ROBO2: variants seen among roughly 807,000 people sequenced by gnomAD.
ROBO2 encodes roundabout homolog 2.
Under a neutral mutation model 160.8 loss-of-function variants are expected in ROBO2, and 53 were observed. That is an observed-to-expected ratio of 0.33 (90% CI 0.26 to 0.41). ROBO2 has a LOEUF of 0.41. Among genes scored for constraint, ROBO2 ranks in the 10% least tolerant of loss-of-function variants. The pLI is 1.00. For synonymous variants in ROBO2, 664 were observed against 611.7 expected (o/e 1.09, Z -1.26); for missense variants, 1,577 against 1,722.4 (o/e 0.92, Z 1.49).
intron 2 of ROBO2, among the ~76,000 whole-genome samples, chr3:76,385,630 G>A (rs1243669294): frequency 1.3e-5 from 2 of 152,128 alleles, no homozygotes; most frequent in Non-Finnish European, 2.9e-5. Flanking sequence ...ATTAAACTCA[G>A]GCATTTTTCA....
At chr3:76,248,173 T>C (rs1263539369) in intron 2 of ROBO2, among the ~76,000 whole-genome samples, 1 of 151,942 alleles carries the variant, frequency 6.6e-6, no homozygotes, top group Non-Finnish European at 1.5e-5. Context: ...ATCATGCTGC[T>C]ATAAAGACAC....
intron 2 of ROBO2, among the ~76,000 whole-genome samples, chr3:75,978,078 G>A (rs1034824134): frequency 2.0e-5 from 3 of 151,488 alleles, no homozygotes; most frequent in Non-Finnish European, 4.4e-5. Context: ...TTGTAAAGCT[G>A]TATCTGAAAA....
chr3:77,091,409 A>G (rs2070233617), intron 1 of ROBO2, among the ~76,000 whole-genome samples: 1 of 152,180 alleles, frequency 6.6e-6, no homozygotes, highest in Admixed American at 6.5e-5. Context: ...CTAATATACC[A>G]CTCAACGTTG....
chr3:76,476,465 T>C (rs937183296), intron 2 of ROBO2, among the ~76,000 whole-genome samples: 1 of 152,162 alleles, frequency 6.6e-6, no homozygotes, highest in Non-Finnish European at 1.5e-5. Context: ...CACCTGTCTG[T>C]TGAAACAGTT....
intron 2 of ROBO2, among the ~76,000 whole-genome samples, chr3:76,684,765 A>G (rs1364302451): frequency 6.6e-6 from 1 of 152,142 alleles, no homozygotes; most frequent in Non-Finnish European, 1.5e-5. Flanking sequence ...GATGGCATCT[A>G]TTTAAAATAT....
At chr3:77,290,239 A>C (rs575046822) in intron 2 of ROBO2, among the ~76,000 whole-genome samples, 1 of 147,158 alleles carries the variant, frequency 6.8e-6, no homozygotes, top group Admixed American at 6.8e-5. Flanking sequence ...CATAAAGTAA[A>C]ATTGATGGTT....
intron 2 of ROBO2, among the ~76,000 whole-genome samples, chr3:77,362,433 G>A (rs2070163860): frequency 6.6e-6 from 1 of 152,106 alleles, no homozygotes; most frequent in Non-Finnish European, 1.5e-5. Context: ...AGAGTGATTA[G>A]GTATCATCTG....
intron 1 of ROBO2, among the ~76,000 whole-genome samples, chr3:77,053,711 A>C (rs1246376635): frequency 1.3e-5 from 2 of 152,180 alleles, no homozygotes; most frequent in Non-Finnish European, 2.9e-5. Flanking sequence ...ATATACAAAA[A>C]TTTAGGCAGC....
chr3:77,376,813 T>G (rs2072747318), intron 2 of ROBO2, among the ~76,000 whole-genome samples: 1 of 152,230 alleles, frequency 6.6e-6, no homozygotes, highest in South Asian at 2.1e-4. Flanking sequence ...ATGTGTGACT[T>G]TGGATATCAT....
At chr3:77,492,004 CT>C (rs1424843674) in intron 4 of ROBO2, among the ~76,000 whole-genome samples, 1 of 152,080 alleles carries the variant, frequency 6.6e-6, no homozygotes, top group African/African-American at 2.4e-5. Flanking sequence ...CTCTTAACAT[CT>C]ATTATTTGAA....
At chr3:75,906,899 AGCTTCCCAGGGCT>A (rs1329063363) in exon 1 of ROBO2, 4 of 152,218 alleles carry the variant, frequency 2.6e-5, no homozygotes, top group Non-Finnish European at 5.9e-5. Flanking sequence ...GACGCTGCGG[AGCTTCCCAGGGCT>A]GCTTCCCTGT....
intron 2 of ROBO2, among the ~76,000 whole-genome samples, chr3:76,383,191 G>A (rs553011740): frequency 6.6e-6 from 1 of 152,240 alleles, no homozygotes; most frequent in Admixed American, 6.5e-5. Flanking sequence ...TAATTTCAAG[G>A]CTCAGATATG....
intron 2 of ROBO2, among the ~76,000 whole-genome samples, chr3:76,630,820 C>G (rs1314236255): frequency 6.6e-6 from 1 of 152,164 alleles, no homozygotes; most frequent in African/African-American, 2.4e-5. Context: ...ATCTACCTCT[C>G]TATTATGTAT....
chr3:76,576,946 T>C (rs1394579161), intron 2 of ROBO2, among the ~76,000 whole-genome samples: 1 of 152,024 alleles, frequency 6.6e-6, no homozygotes, highest in African/African-American at 2.4e-5. Context: ...GTAAGTAGTT[T>C]TCCTTGGAAG....
At chr3:77,090,541 A>T (rs558110431) in intron 1 of ROBO2, among the ~76,000 whole-genome samples, 1 of 151,206 alleles carries the variant, frequency 6.6e-6, no homozygotes, top group Non-Finnish European at 1.5e-5. Context: ...TTTTTAGTAG[A>T]GACAAGGTTT....
intron 9 of ROBO2, among the ~76,000 whole-genome samples, chr3:77,561,714 T>G (rs1203474023): frequency 6.6e-6 from 1 of 152,194 alleles, no homozygotes; most frequent in African/African-American, 2.4e-5. Flanking sequence ...AGCCACATTT[T>G]TTTAATGATA....
At chr3:75,999,354 T>A (rs1472458027) in intron 2 of ROBO2, among the ~76,000 whole-genome samples, 2 of 152,144 alleles carry the variant, frequency 1.3e-5, no homozygotes, top group Non-Finnish European at 2.9e-5. Flanking sequence ...ACATTAAATG[T>A]CCCCCAAATA....
chr3:77,336,332 T>A (rs535349167), intron 2 of ROBO2, among the ~76,000 whole-genome samples: 1 of 151,986 alleles, frequency 6.6e-6, no homozygotes, highest in African/African-American at 2.4e-5. Context: ...ATTGTAACAT[T>A]TATCCAACAA....
At chr3:77,001,722 T>C (rs146918133) in intron 2 of ROBO2, among the ~76,000 whole-genome samples, 4 of 152,274 alleles carry the variant, frequency 2.6e-5, no homozygotes, top group Non-Finnish European at 5.9e-5. Flanking sequence ...ACTCAAACAG[T>C]AATGACATCA....
Sources: allele counts gnomAD v4.1 joint callset (sites outside exome capture counted in the v4.1 genomes callset), GRCh38; gene constraint gnomAD v4.1.1; transcripts MANE v1.5; gene names NCBI Gene and HGNC (gene_info 2026-07-23, HGNC 2026-07-21).